Variants in MSI2 observed in about 807,000 individuals in gnomAD.
MSI2 encodes musashi RNA binding protein 2, also known as RNA-binding protein Musashi homolog 2.
A neutral mutation model predicts 45.6 loss-of-function variants in MSI2; 17 were observed. The observed-to-expected ratio is 0.37, with a 90% confidence interval of 0.26 to 0.56. The LOEUF (loss-of-function observed/expected upper bound fraction) is 0.56. Ranked by LOEUF, MSI2 falls within the 20% of genes least tolerant of loss-of-function variation. MSI2 has a pLI of 0.77. For synonymous variants in MSI2, 156 were observed against 158.2 expected, an observed-to-expected ratio of 0.99 and a Z score of 0.11; for missense variants, 293 against 444.2, an observed-to-expected ratio of 0.66 and a Z score of 3.06.
rs1913512934 is a variant in MSI2, at chr17:57,680,137, TAGA to T, written c.*626_*628del. 4.4e-6 allele frequency: 1 copy of T among 228,196 alleles called. No individual in the cohort carries two copies. Among genetic ancestry groups the T allele is most frequent in the African/African-American group, 2.2e-5 (1 of 45,122 alleles). The allele number at this position is 228,196 out of a possible 1,614,324, so 14.1% of individuals were successfully genotyped here. On this transcript the variant is annotated 3_prime_UTR_variant, in exon 14 of 14. Coordinates refer to ENST00000284073, the MANE Select transcript of MSI2 (RefSeq NM_138962.4). ...GGCGTGAGCTTTCTATTTTGCGTTG[TAGA>T]AGAAGTGAGATGTAGTAAGCTAATT...
chr17:57,676,892 C>A, intron 12 of MSI2, 95 bp from the exon 13 acceptor site: 2 of 849,248 alleles, frequency 2.4e-6, no homozygotes, highest in Non-Finnish European at 4.1e-6. Flanking sequence ...CTGGCAACCA[C>A]AGAACTAGTC....
intron 6 of MSI2, among the ~76,000 whole-genome samples, chr17:57,482,540 G>T (rs1396562855): frequency 1.3e-5 from 2 of 152,224 alleles, no homozygotes; most frequent in Non-Finnish European, 2.9e-5. Flanking sequence ...GGGAGTTTGG[G>T]TGCCAGAGGA....
chr17:57,380,938 A>C (rs2083587707), intron 5 of MSI2, among the ~76,000 whole-genome samples: 1 of 152,102 alleles, frequency 6.6e-6, no homozygotes, highest in South Asian at 2.1e-4. Flanking sequence ...GGGGGTCTTC[A>C]GCAGTCCTGG....
chr17:57,357,973 C>T (rs952642677), intron 5 of MSI2, among the ~76,000 whole-genome samples: 1 of 152,098 alleles, frequency 6.6e-6, no homozygotes, highest in Non-Finnish European at 1.5e-5. Context: ...GTCTTGTGGT[C>T]ACACACATGC....
intron 7 of MSI2, among the ~76,000 whole-genome samples, chr17:57,565,430 C>A (rs920450146): frequency 6.6e-6 from 1 of 152,210 alleles, no homozygotes; most frequent in Non-Finnish European, 1.5e-5. Context: ...GCCCTTGTCT[C>A]CACCTGGAAT....
intron 5 of MSI2, among the ~76,000 whole-genome samples, chr17:57,358,681 C>T (rs755593906): frequency 1.3e-5 from 2 of 152,092 alleles, no homozygotes; most frequent in Non-Finnish European, 2.9e-5. Flanking sequence ...ACACAAATTC[C>T]ATGAAAACCA....
In MSI2 at chr17:57,508,011, A is replaced by G. The variant is rs144407749; in HGVS notation, c.406-21665A>G. On this transcript the variant is annotated intron_variant, in intron 6 of 13. Coordinates refer to ENST00000284073, the MANE Select transcript of MSI2 (RefSeq NM_138962.4). Reference sequence around the variant, plus strand: ...GGCACCAAGCCAGCTGATGCTAGATAAAGGGCCAGGGTCGTTTATGAGTTA... The same window carrying G: ...GGCACCAAGCCAGCTGATGCTAGATGAAGGGCCAGGGTCGTTTATGAGTTA... Among the ~76,000 whole-genome samples the G allele has an allele frequency of 2.5e-4, 38 of 152,312 alleles. No individual in the cohort carries two copies. In the East Asian group the frequency reaches 6.9e-3, roughly 28 times the overall value.
chr17:57,590,712 G>A (rs1904747903), intron 7 of MSI2, among the ~76,000 whole-genome samples: 2 of 152,188 alleles, frequency 1.3e-5, no homozygotes, highest in Non-Finnish European at 2.9e-5. Context: ...CCCCTTGGAA[G>A]TGTGGGGTGC....
At chr17:57,450,258 A>AGAAAGAAAGAAAGAAAGAAG (rs1555607198) in intron 6 of MSI2, 178 of 2,632 alleles carry the variant, frequency 0.068, 6 homozygotes, top group African/African-American at 0.12. Context: ...CCCAGCTTAA[A>AGAAAGAAAGAAAGAAAGAAG]GAAAGAAAGA....
At chr17:57,289,908 T>C (rs1271645870) in intron 5 of MSI2, among the ~76,000 whole-genome samples, 2 of 152,242 alleles carry the variant, frequency 1.3e-5, no homozygotes, top group Non-Finnish European at 2.9e-5. Flanking sequence ...GTTTTAGATG[T>C]TGGACTTAGG....
At chr17:57,415,489 A>G (rs188036710) in intron 6 of MSI2, among the ~76,000 whole-genome samples, 37 of 152,266 alleles carry the variant, frequency 2.4e-4, no homozygotes, top group East Asian at 5.8e-4. Flanking sequence ...ACCCTGGGCT[A>G]TTGATTCAAC....
intron 5 of MSI2, among the ~76,000 whole-genome samples, chr17:57,336,067 G>T (rs1342853048): frequency 6.6e-6 from 1 of 152,214 alleles, no homozygotes; most frequent in East Asian, 1.9e-4. Context: ...ACCAGTTACT[G>T]CATGGCATAG....
chr17:57,678,719 C>G (rs1913417714), intron 13 of MSI2, among the ~76,000 whole-genome samples: 1 of 152,158 alleles, frequency 6.6e-6, no homozygotes, highest in Non-Finnish European at 1.5e-5. Flanking sequence ...AGCCCATCCT[C>G]CCTCATCTAA....
At position 57,675,127 on chromosome 17, in the gene MSI2, G is replaced by A. The variant is rs758047108; in HGVS notation, c.945+1G>A. The stretch of plus-strand genomic sequence containing the variant: ...CTCGGGCTTCGGCCACGGCATAGCT[G>A]TAAGTACCTGCCTTCCCCTGCCCTC... On this transcript the variant is annotated splice_donor_variant, in intron 12 of 13. Transcript: ENST00000284073. LOFTEE classifies it high-confidence loss of function. The A allele has an allele frequency of 6.2e-7, 1 of 1,611,426 alleles. No homozygotes were observed. The highest frequency in any genetic ancestry group is 1.1e-5 in the South Asian group (1 of 90,618).
At chr17:57,601,015 C>A (rs1390545230) in intron 8 of MSI2, 1 of 152,260 alleles carries the variant, frequency 6.6e-6, no homozygotes, top group Non-Finnish European at 1.5e-5. Context: ...GAGCTCACAT[C>A]TGTACCCATC....
chr17:57,390,456 C>T (rs1002873694), intron 5 of MSI2, among the ~76,000 whole-genome samples: 3 of 152,178 alleles, frequency 2.0e-5, no homozygotes, highest in Admixed American at 1.3e-4. Flanking sequence ...ACCCCCACCC[C>T]GCAGGCCATG....
chr17:57,267,712 A>G (rs1907940808), intron 5 of MSI2: 1 of 151,696 alleles, frequency 6.6e-6, no homozygotes, highest in Non-Finnish European at 1.5e-5. Flanking sequence ...TTCATTGCCA[A>G]CTGTATGCGT....
chr17:57,617,678 C>G (rs1010883670), intron 9 of MSI2, among the ~76,000 whole-genome samples: 8 of 152,086 alleles, frequency 5.3e-5, no homozygotes, highest in Non-Finnish European at 8.8e-5. Context: ...TGCAGTGGTG[C>G]TCGCCTGTAA....
At chr17:57,673,977 G>A (rs1046897444) in intron 11 of MSI2, among the ~76,000 whole-genome samples, 1 of 151,362 alleles carries the variant, frequency 6.6e-6, no homozygotes, top group African/African-American at 2.4e-5. Flanking sequence ...AGGAAAAAAA[G>A]TTTAAATCCC....
Sources: allele counts gnomAD v4.1 joint callset (sites outside exome capture counted in the v4.1 genomes callset), GRCh38; gene constraint gnomAD v4.1.1; transcripts MANE v1.5; gene names NCBI Gene and HGNC (gene_info 2026-07-23, HGNC 2026-07-21).